The following SLC5A4 variants were observed in gnomAD, a reference collection of about 807,000 sequenced individuals.
SLC5A4 encodes probable glucose sensor protein SLC5A4.
In SLC5A4, 55 loss-of-function variants were observed where a neutral mutation model predicts 70.3. That is an observed-to-expected ratio of 0.78 (90% CI 0.63 to 0.98). SLC5A4 has a LOEUF of 0.98. Among genes scored for constraint, SLC5A4 ranks in the 50% least tolerant of loss-of-function variants. The pLI is 0.00. For synonymous variants in SLC5A4, 268 were observed against 305.7 expected, an observed-to-expected ratio of 0.88 and a Z score of 1.29; for missense variants, 735 against 839.2, an observed-to-expected ratio of 0.88 and a Z score of 1.53.
chr22:32,272,434 A>G, the SLC5A4 span: 2 of 856,196 alleles, frequency 2.3e-6, no homozygotes, highest in Middle Eastern at 2.2e-4. Flanking sequence ...GCAGCTCTAC[A>G]TCCACCAGAT....
the SLC5A4 span, chr22:32,273,208 T>C: frequency 2.8e-6 from 1 of 356,030 alleles, no homozygotes; most frequent in Non-Finnish European, 5.5e-6. Flanking sequence ...GACCATCTGA[T>C]ACTATGTATC....
intron 3 of SLC5A4, among the ~76,000 whole-genome samples, chr22:32,251,463 TTCTGTC>T (rs535229391): frequency 1.9e-4 from 29 of 151,922 alleles, no homozygotes; most frequent in Middle Eastern, 3.4e-3. Context: ...CCCTTTTCTC[TTCTGTC>T]TCTGTCTCTG....
chr22:32,291,632 C>T, the SLC5A4 span, among the ~76,000 whole-genome samples: 1 of 152,066 alleles, frequency 6.6e-6, no homozygotes, highest in African/African-American at 2.4e-5. Flanking sequence ...TCTTTGATTT[C>T]TTTACCAAGA....
chr22:32,335,817 A>ACC, the SLC5A4 span, among the ~76,000 whole-genome samples: 1 of 152,120 alleles, frequency 6.6e-6, no homozygotes, highest in East Asian at 1.9e-4. Flanking sequence ...CTCCCCCAGC[A>ACC]CCTCTGGGAC....
At chr22:32,306,515 G>A in the SLC5A4 span, among the ~76,000 whole-genome samples, 727 of 112,342 alleles carry the variant, frequency 6.5e-3, 9 homozygotes, top group African/African-American at 0.018. Flanking sequence ...GAGCAACAGC[G>A]GTCAGTGAAA....
chr22:32,287,130 G>A, the SLC5A4 span, among the ~76,000 whole-genome samples: 1 of 152,186 alleles, frequency 6.6e-6, no homozygotes. Flanking sequence ...AAGTTTTTAA[G>A]GACATTGTAT....
the SLC5A4 span, among the ~76,000 whole-genome samples, chr22:32,320,115 A>T: frequency 6.6e-6 from 1 of 152,232 alleles, no homozygotes; most frequent in East Asian, 1.9e-4. Context: ...AAACTCTAAA[A>T]TAAGAGAAAT....
the SLC5A4 span, among the ~76,000 whole-genome samples, chr22:32,339,787 C>T: frequency 1.3e-5 from 2 of 152,210 alleles, no homozygotes; most frequent in Non-Finnish European, 2.9e-5. Flanking sequence ...GCCTGGTAGC[C>T]CACGAAGGGG....
At chr22:32,269,663 G>C in the SLC5A4 span, 3 of 592,088 alleles carry the variant, frequency 5.1e-6, no homozygotes, top group East Asian at 4.1e-5. The surrounding 1 kb of genome is among the most constrained non-coding windows in gnomAD (Gnocchi z 4.1). Flanking sequence ...TCGTCAGCTC[G>C]CTGTTATACC....
intron 9 of SLC5A4, among the ~76,000 whole-genome samples, chr22:32,231,478 G>C (rs1925759521): frequency 6.6e-6 from 1 of 152,240 alleles, no homozygotes; most frequent in African/African-American, 2.4e-5. Context: ...TCTTTCACCT[G>C]CATCTAAGAA....
At chr22:32,219,398 A>AAATTT (rs1329196017) in intron 14 of SLC5A4, among the ~76,000 whole-genome samples, 1 of 152,162 alleles carries the variant, frequency 6.6e-6, no homozygotes, top group African/African-American at 2.4e-5. Context: ...CAGCACTGGA[A>AAATTT]AATTTAATAC....
chr22:32,318,599 C>T, the SLC5A4 span, among the ~76,000 whole-genome samples: 2 of 152,188 alleles, frequency 1.3e-5, no homozygotes, highest in South Asian at 2.1e-4. Flanking sequence ...ACAAGCCTTA[C>T]ACTTCCTGCT....
At chr22:32,350,634 C>A in the SLC5A4 span, among the ~76,000 whole-genome samples, 2 of 152,026 alleles carry the variant, frequency 1.3e-5, no homozygotes, top group African/African-American at 4.8e-5. Context: ...CTTTAAAACA[C>A]TAAGGCTATG....
chr22:32,241,607 G>A (rs2145683288), intron 5 of SLC5A4, among the ~76,000 whole-genome samples: 1 of 152,244 alleles, frequency 6.6e-6, no homozygotes, highest in Admixed American at 6.5e-5. Context: ...CACTTTGGGA[G>A]GCCAAAGCGG....
the SLC5A4 span, among the ~76,000 whole-genome samples, chr22:32,323,102 A>C: frequency 2.6e-5 from 4 of 152,212 alleles, no homozygotes; most frequent in African/African-American, 9.7e-5. Flanking sequence ...AAAATGTTGA[A>C]CCAAACCAGG....
At chr22:32,290,726 G>A in the SLC5A4 span, among the ~76,000 whole-genome samples, 2 of 152,058 alleles carry the variant, frequency 1.3e-5, no homozygotes, top group Non-Finnish European at 2.9e-5. Flanking sequence ...CTCCAAGATC[G>A]CAGCTTGTTG....
intron 10 of SLC5A4, among the ~76,000 whole-genome samples, chr22:32,230,169 G>A (rs867550901): frequency 1.3e-5 from 2 of 152,118 alleles, no homozygotes; most frequent in Non-Finnish European, 2.9e-5. Flanking sequence ...GCCATGACAT[G>A]GTTGTGGGCC....
the SLC5A4 span, among the ~76,000 whole-genome samples, chr22:32,298,489 T>C: frequency 1.0e-5 from 1 of 97,560 alleles, no homozygotes; most frequent in African/African-American, 3.8e-5. Context: ...CTGCCTTTTT[T>C]TGTTTTCCAT....
At chr22:32,257,769 G>A (rs1391632328), upstream of SLC5A4, among the ~76,000 whole-genome samples, 2 of 151,434 alleles carry the variant, frequency 1.3e-5, no homozygotes, top group East Asian at 1.9e-4. Flanking sequence ...GGGTTCAAGC[G>A]ATTCTCCTGC....
Sources: gnomAD v4.1 joint callset for allele counts (sites outside exome capture counted in the v4.1 genomes callset) on GRCh38, gnomAD v4.1.1 for gene constraint, Gnocchi (gnomAD v3.1) non-coding constraint, MANE v1.5 for transcripts, NCBI Gene and HGNC (gene_info 2026-07-23, HGNC 2026-07-21) for gene names.